Variants in TRIM24 observed in about 807,000 individuals in gnomAD.
TRIM24 encodes the protein tripartite motif containing 24, also known as transcription intermediary factor 1-alpha.
A neutral mutation model predicts 123.9 loss-of-function variants in TRIM24; 29 were observed. The observed-to-expected ratio is 0.23, with a 90% CI of 0.17 to 0.32. TRIM24 has a LOEUF of 0.32. Ranked by LOEUF, TRIM24 falls within the 10% of genes least tolerant of loss-of-function variation. TRIM24 has a pLI of 1.00. For synonymous variants in TRIM24, 456 were observed against 461.1 expected (o/e 0.99, Z 0.14); for missense variants, 932 against 1,295.3 (o/e 0.72, Z 4.31).
In TRIM24 at chr7:138,460,681, G is replaced by C. The variant is rs1414905952; in HGVS notation, c.133G>C (p.Gly45Arg). Residue 45 changes from glycine to arginine, a missense_variant, in exon 1 of 19, where the codon GGC becomes CGC. Gly to Arg is a moderately radical substitution (Grantham distance 125). Coordinates refer to ENST00000343526, the MANE Select transcript of TRIM24 (RefSeq NM_015905.3). ...GCAGGGCCCGGACTCGGAGCGCGGC[G>C]GCGAGGCGGCCCGGCTCAACCTGTT... The part of the protein sequence containing the change: ...SRQGPDSERG[G>R]EAARLNLLDT... 6.5e-7 allele frequency: 1 copy of C among 1,528,308 alleles called. No individual in the cohort carries two copies. The highest frequency in any genetic ancestry group is 1.4e-5 in the African/African-American group (1 of 70,138). 94.7% of individuals were successfully genotyped at this position (1,528,308 alleles called of 1,614,324 possible). A position where few individuals can be genotyped will look rare whatever the true frequency, so the allele number is the denominator to read the frequency against.
At chr7:138,467,608 T>C (rs1191233112) in intron 1 of TRIM24, among the ~76,000 whole-genome samples, 1 of 152,206 alleles carries the variant, frequency 6.6e-6, no homozygotes, top group African/African-American at 2.4e-5. Context: ...CCCAAAGTGC[T>C]GATATTGACA....
rs1406993419 is a variant in TRIM24, at chr7:138,516,519, TG to T, written c.631+1161del. ...ACAGGTGTGCGCCACCATGTGTGGCTGAATTTTGTATTTTTAGTAGACACAG... is the reference window on the plus strand; with the variant it reads ...ACAGGTGTGCGCCACCATGTGTGGCTAATTTTGTATTTTTAGTAGACACAG... On this transcript the variant is annotated intron_variant, in intron 3 of 18. Transcript: ENST00000343526. 2.6e-5 allele frequency among the ~76,000 whole-genome samples: 4 copies of T among 152,226 alleles called. No homozygotes were observed. The South Asian group carries it at 8.3e-4, about 32-fold the overall frequency.
chr7:138,561,536 C>G (rs954574013), intron 9 of TRIM24, among the ~76,000 whole-genome samples: 7 of 152,090 alleles, frequency 4.6e-5, no homozygotes, highest in Non-Finnish European at 8.8e-5. Context: ...GAGTGCAGTA[C>G]CTGGATGGTC....
intron 6 of TRIM24, among the ~76,000 whole-genome samples, chr7:138,536,645 T>A (rs1348828556): frequency 2.0e-5 from 3 of 152,206 alleles, no homozygotes; most frequent in Non-Finnish European, 4.4e-5. Context: ...GCCTCCCAAT[T>A]AGGCTACTTG....
intron 1 of TRIM24, among the ~76,000 whole-genome samples, chr7:138,488,776 T>A (rs1795711167): frequency 6.6e-6 from 1 of 152,224 alleles, no homozygotes; most frequent in Non-Finnish European, 1.5e-5. Flanking sequence ...AACTATGTGG[T>A]CAGTTTTGGA....
chr7:138,569,946 C>CT (rs535279990), intron 10 of TRIM24, among the ~76,000 whole-genome samples: 13,021 of 136,036 alleles, frequency 0.096, 713 homozygotes, highest in African/African-American at 0.11. Context: ...TCAAGTCATC[C>CT]TTTTTTTTTT....
At chr7:138,536,641 C>G (rs1796880265) in intron 6 of TRIM24, among the ~76,000 whole-genome samples, 1 of 152,218 alleles carries the variant, frequency 6.6e-6, no homozygotes, top group Non-Finnish European at 1.5e-5. Context: ...GGGTGCCTCC[C>G]AATTAGGCTA....
At chr7:138,497,692 G>C (rs868495935) in intron 1 of TRIM24, among the ~76,000 whole-genome samples, 14 of 151,568 alleles carry the variant, frequency 9.2e-5, no homozygotes, top group African/African-American at 3.2e-4. Flanking sequence ...ACCGCGCCCA[G>C]CCTGTTGTTG....
chr7:138,495,813 T>C (rs1335219771), intron 1 of TRIM24, among the ~76,000 whole-genome samples: 1 of 152,174 alleles, frequency 6.6e-6, no homozygotes, highest in East Asian at 1.9e-4. Context: ...CTTGGGAAAC[T>C]TGTAGGCTCT....
intron 2 of TRIM24, among the ~76,000 whole-genome samples, chr7:138,512,720 C>T (rs1160930972): frequency 2.0e-5 from 3 of 152,040 alleles, no homozygotes; most frequent in African/African-American, 7.2e-5. Flanking sequence ...CCTGTAAAAC[C>T]ATTCAGTCCT....
At chr7:138,565,230 C>T (rs941199787) in intron 9 of TRIM24, among the ~76,000 whole-genome samples, 1 of 152,146 alleles carries the variant, frequency 6.6e-6, no homozygotes, top group African/African-American at 2.4e-5. Context: ...GCAAGCCACT[C>T]TCATGTCCTG....
At chr7:138,560,166 A>T (rs1797396529) in intron 9 of TRIM24, among the ~76,000 whole-genome samples, 1 of 152,214 alleles carries the variant, frequency 6.6e-6, no homozygotes, top group Non-Finnish European at 1.5e-5. Context: ...ATATTTCTTC[A>T]GTAGCTGTAT....
At chr7:138,538,878 T>G in intron 7 of TRIM24, 75 bp downstream of exon 7, 1 of 1,334,560 alleles carries the variant, frequency 7.5e-7, no homozygotes, top group Non-Finnish European at 1.0e-6. Flanking sequence ...ATGCTTAAAA[T>G]TTATTCTGCT....
intron 7 of TRIM24, among the ~76,000 whole-genome samples, chr7:138,550,793 A>G (rs1215337552): frequency 6.6e-6 from 1 of 152,208 alleles, no homozygotes; most frequent in African/African-American, 2.4e-5. Context: ...TTTTACAAAT[A>G]TTTGAGTTAG....
At chr7:138,464,679 T>G (rs1489467072) in intron 1 of TRIM24, among the ~76,000 whole-genome samples, 1 of 152,132 alleles carries the variant, frequency 6.6e-6, no homozygotes, top group Non-Finnish European at 1.5e-5. Context: ...CACACACAAT[T>G]AATTTATGGG....
rs373781644 is a variant in TRIM24 at position 138,508,884 on chromosome 7, G to C, written c.483+4476G>C. Among the ~76,000 whole-genome samples, 5 of 151,964 alleles carry C rather than the reference G, an allele frequency of 3.3e-5. No individual in the cohort carries two copies. The East Asian group carries it at 7.7e-4, about 23-fold the overall frequency. On this transcript the variant is annotated intron_variant, in intron 2 of 18. Coordinates refer to ENST00000343526, the MANE Select transcript of TRIM24 (RefSeq NM_015905.3). ...ATATTTGGAGACCACAGTATGGTAC[G>C]GTGGGTGCTCATCATCATTGAGTTG...
intron 1 of TRIM24, among the ~76,000 whole-genome samples, chr7:138,478,244 G>C (rs996049808): frequency 1.2e-4 from 19 of 152,132 alleles, no homozygotes; most frequent in African/African-American, 4.6e-4. Context: ...TAAGCCTTGT[G>C]GTTTATAAAT....
At chr7:138,572,294 T>TAAAC (rs1324678692) in intron 11 of TRIM24, among the ~76,000 whole-genome samples, 1 of 152,192 alleles carries the variant, frequency 6.6e-6, no homozygotes, top group African/African-American at 2.4e-5. Context: ...TCCCACAAAG[T>TAAAC]AAACAACTTT....
rs60386130 is a variant in TRIM24, at chr7:138,568,379, C to CTTTTTTTTTTT, written c.1704+745_1704+755dup. 1.9e-3 allele frequency among the ~76,000 whole-genome samples: 128 copies of CTTTTTTTTTTT among 68,702 alleles called. 18 individuals are homozygous for CTTTTTTTTTTT. The highest frequency in any genetic ancestry group is 0.013 in the Middle Eastern group (1 of 78). The allele number at this position is 68,702 out of a possible 152,430, so 45.1% of individuals were successfully genotyped here. On this transcript the variant is annotated intron_variant, in intron 10 of 18. Coordinates refer to ENST00000343526, the MANE Select transcript of TRIM24 (RefSeq NM_015905.3). ...CTCGTAAGCCACCGTACCTGGCCTCCTTTTTTTTTTTTTTTTTTTTTTTTT... is the reference window on the plus strand; with the variant it reads ...CTCGTAAGCCACCGTACCTGGCCTCCTTTTTTTTTTTTTTTTTTTTTTTTTTTTTTTTTTTT...
Sources: allele counts gnomAD v4.1 joint callset (sites outside exome capture counted in the v4.1 genomes callset), GRCh38; gene constraint gnomAD v4.1.1; transcripts MANE v1.5; gene names NCBI Gene and HGNC (gene_info 2026-07-23, HGNC 2026-07-21).